The following LRCH1 variants were observed in gnomAD, a reference collection of about 807,000 sequenced individuals.
The protein encoded by LRCH1 is leucine rich repeats and calponin homology domain containing 1, also known as leucine-rich repeat and calponin homology domain-containing protein 1.
In LRCH1, 23 loss-of-function variants were observed where a neutral mutation model predicts 94.9. That is an observed-to-expected ratio of 0.24 (90% CI 0.17 to 0.34). LRCH1 has a LOEUF of 0.34. Ranked by LOEUF, LRCH1 falls within the 10% of genes least tolerant of loss-of-function variation. The pLI is 1.00. For missense variants in LRCH1, 790 were observed against 945.9 expected, an observed-to-expected ratio of 0.84 and a Z score of 2.16; for synonymous variants, 364 against 354.9, an observed-to-expected ratio of 1.03 and a Z score of -0.29.
In LRCH1 at chr13:46,733,466, A is replaced by T. The variant is rs561662364; in HGVS notation, c.2008-455A>T. Among the ~76,000 whole-genome samples, 17 of 152,272 alleles carry T rather than the reference A, an allele frequency of 1.1e-4. No homozygotes were observed. In the South Asian group the frequency reaches 3.5e-3, roughly 32 times the overall value. ...TTTGTTGATGGGGAAGTTGATGTTT[A>T]TGGTGTACTTTAGGCAAACTAAAAC... On this transcript the variant is annotated intron_variant, in intron 18 of 19. Transcript: ENST00000389797.
chr13:46,617,726 C>T (rs2050827927), intron 1 of LRCH1, among the ~76,000 whole-genome samples: 1 of 152,194 alleles, frequency 6.6e-6, no homozygotes, highest in Admixed American at 6.5e-5. Flanking sequence ...CATATTTACT[C>T]AGTCTTCTTA....
At chr13:46,583,753 G>T (rs542744533) in intron 1 of LRCH1, among the ~76,000 whole-genome samples, 1 of 149,794 alleles carries the variant, frequency 6.7e-6, no homozygotes, top group East Asian at 2.0e-4. Context: ...TTTCAGCTAC[G>T]GAATTTTTCT....
At chr13:46,732,225 A>C (rs1015378834) in intron 18 of LRCH1, among the ~76,000 whole-genome samples, 2 of 152,246 alleles carry the variant, frequency 1.3e-5, no homozygotes, top group African/African-American at 4.8e-5. Flanking sequence ...TGTTTTTGCC[A>C]AACTGAGGGA....
intron 15 of LRCH1, 149 bp from the exon 16 acceptor site, chr13:46,715,411 T>A: frequency 1.6e-6 from 1 of 621,328 alleles, no homozygotes; most frequent in South Asian, 1.9e-5. Flanking sequence ...TTCTCCTATA[T>A]TGTGCATTTG....
chr13:46,553,552 C>T lies in LRCH1; in HGVS notation c.156C>T (p.Ser52=). Residue 52 remains serine, a synonymous_variant, in exon 1 of 20, where the codon AGC becomes AGT. Coordinates refer to ENST00000389797, the MANE Select transcript of LRCH1 (RefSeq NM_001164211.2). The stretch of plus-strand genomic sequence containing the variant: ...GGGCGGGTGGTGGCGGCGGTGGCAG[C>T]GGGGGCTTCAACCTGCCCTTGAACC... The part of the protein sequence containing the change: ...PGGAGGGGGG[S]GGFNLPLNRG... 6.5e-6 allele frequency: 10 copies of T among 1,546,326 alleles called. No homozygotes were observed. The highest frequency in any genetic ancestry group is 8.7e-6 in the Non-Finnish European group (10 of 1,144,478).
At chr13:46,728,801 A>C in intron 17 of LRCH1, 46 bp from the exon 18 acceptor site, 1 of 1,528,812 alleles carries the variant, frequency 6.5e-7, no homozygotes, top group Non-Finnish European at 8.9e-7. Context: ...ACTCACAGTT[A>C]CCTCAGTGTT....
intron 17 of LRCH1, among the ~76,000 whole-genome samples, chr13:46,725,990 A>T (rs1891214): frequency 1.3e-5 from 2 of 152,166 alleles, no homozygotes; most frequent in Non-Finnish European, 2.9e-5. Context: ...CCTAAAAACA[A>T]TTGTCCACAC....
intron 1 of LRCH1, among the ~76,000 whole-genome samples, chr13:46,556,855 C>T (rs1014512281): frequency 6.6e-6 from 1 of 152,186 alleles, no homozygotes; most frequent in Non-Finnish European, 1.5e-5. Context: ...CTGAGCCCCT[C>T]TGAGTGCTGG....
rs567820614 is a variant in LRCH1, at chr13:46,625,758, A to T, written c.308-24443A>T. Among the ~76,000 whole-genome samples the T allele has an allele frequency of 2.0e-5, 3 of 147,924 alleles. No homozygotes were observed. The South Asian group carries it at 6.4e-4, about 32-fold the overall frequency. On this transcript the variant is annotated intron_variant, in intron 1 of 19. Transcript: ENST00000389797. ...AACCTCTGCCTCCTGGGCTCAGGTG[A>T]TTCCCCCACCTCAGCCTCCCAGGTA...
At chr13:46,685,873 TC>T in intron 4 of LRCH1, 31 bp from the exon 5 acceptor site, 1 of 1,446,006 alleles carries the variant, frequency 6.9e-7, no homozygotes, top group East Asian at 2.5e-5. Flanking sequence ...TAAGGTTTTT[TC>T]TTTCTTTTTT....
rs575874794 is a variant in LRCH1, at chr13:46,558,572, C to CAAAAAAAAAAAAA, written c.307+4883_307+4895dup. On this transcript the variant is annotated intron_variant, in intron 1 of 19. Transcript: ENST00000389797. ...CCAAGACGGTGAAACCCTGTGTCTA[C>CAAAAAAAAAAAAA]AAAAAAAAAAAAAAAAAAAAAAAAA... 7.9e-3 allele frequency among the ~76,000 whole-genome samples: 272 copies of CAAAAAAAAAAAAA among 34,390 alleles called. 56 individuals are homozygous for CAAAAAAAAAAAAA. The highest frequency in any genetic ancestry group is 0.02 in the African/African-American group (202 of 9,876). The allele number at this position is 34,390 out of a possible 152,430, so 22.6% of individuals were successfully genotyped here. A position where few individuals can be genotyped will look rare whatever the true frequency, so the allele number is the denominator to read the frequency against.
At chr13:46,555,202 C>T (rs1164871506) in intron 1 of LRCH1, among the ~76,000 whole-genome samples, 3 of 152,188 alleles carry the variant, frequency 2.0e-5, no homozygotes, top group Non-Finnish European at 4.4e-5. Flanking sequence ...GTTACATCTT[C>T]TCAAGTGGAA....
chr13:46,741,770 T>C lies in LRCH1; in HGVS notation c.2214T>C (p.Leu738=), dbSNP rs1873670035. 6.2e-7 allele frequency: 1 copy of C among 1,614,068 alleles called. No individual in the cohort carries two copies. Among genetic ancestry groups the C allele is most frequent in the Non-Finnish European group, 8.5e-7 (1 of 1,180,040 alleles). Residue 738 remains leucine (L), a synonymous_variant, in exon 20 of 20, where the codon CTT becomes CTC. Coordinates refer to ENST00000389797, the MANE Select transcript of LRCH1 (RefSeq NM_001164211.2). ...CTTCTGCCCTCCGCTCCAGGGACCT[T>C]ATAGGCTTCTGTCTTGTCCATATTC... ...PPTSALRSRD[L]IGFCLVHILF... is the part of the protein sequence containing the mutation.
chr13:46,657,485 TTTTTCTTTTC>T lies in LRCH1; in HGVS notation c.452+7150_452+7159del, dbSNP rs774661773. Among the ~76,000 whole-genome samples the T allele has an allele frequency of 5.7e-5, 7 of 123,308 alleles. No homozygotes were observed. In the East Asian group the frequency reaches 8.7e-4, roughly 15 times the overall value. 80.9% of individuals were successfully genotyped at this position (123,308 alleles called of 152,430 possible). ...TCTTTCTTTCTTCTTTCATTTTTAC[TTTTTCTTTTC>T]TTTTCTTTTTTTTTTTTTTTTTTTT... On this transcript the variant is annotated intron_variant, in intron 2 of 19. Transcript: ENST00000389797.
At chr13:46,748,767 A>G (rs74080673), downstream of LRCH1, among the ~76,000 whole-genome samples, 8,359 of 152,266 alleles carry the variant, frequency 0.055, 730 homozygotes, top group African/African-American at 0.19. Context: ...ATACACAGCA[A>G]TGACATGAAA....
rs764595432 is a variant in LRCH1 at position 46,583,431 on chromosome 13, G to A, written c.307+29728G>A. On this transcript the variant is annotated intron_variant, in intron 1 of 19. Transcript: ENST00000389797. ...AGGTCTTGATTGGGTATGTCATAGC[G>A]TAATTTTGTTTGCCTTCTGAGGCAC... 5.9e-5 allele frequency among the ~76,000 whole-genome samples: 9 copies of A among 152,304 alleles called. No individual in the cohort carries two copies. In the East Asian group the frequency reaches 9.6e-4, roughly 16 times the overall value.
At chr13:46,696,003 A>G (rs538645541) in intron 9 of LRCH1, among the ~76,000 whole-genome samples, 1 of 152,316 alleles carries the variant, frequency 6.6e-6, no homozygotes, top group Non-Finnish European at 1.5e-5. Flanking sequence ...TTTACTTGCT[A>G]TATTTAATGT....
In LRCH1 at chr13:46,743,036, AG is replaced by A. The variant is rs1228093976; in HGVS notation, c.*1192del. ...TCTTAGCCAGAATGTCCCTGGATTC[AG>A]GGGTGTCTTTGTATAATATGAGAGG... On this transcript the variant is annotated 3_prime_UTR_variant, in exon 20 of 20. Coordinates refer to ENST00000389797, the MANE Select transcript of LRCH1 (RefSeq NM_001164211.2). 5 of 985,426 alleles carry A rather than the reference AG, an allele frequency of 5.1e-6. No individual in the cohort carries two copies. In the East Asian group the frequency reaches 5.7e-4, roughly 112 times the overall value. 61.0% of individuals were successfully genotyped at this position (985,426 alleles called of 1,614,324 possible).
At chr13:46,603,735 C>T (rs557247922) in intron 1 of LRCH1, among the ~76,000 whole-genome samples, 1 of 152,290 alleles carries the variant, frequency 6.6e-6, no homozygotes, top group East Asian at 1.9e-4. Flanking sequence ...TGGCTTACTG[C>T]AGCCTCAATC....
Sources: gnomAD v4.1 joint callset for allele counts (sites outside exome capture counted in the v4.1 genomes callset) on GRCh38, gnomAD v4.1.1 for gene constraint, MANE v1.5 for transcripts, NCBI Gene and HGNC (gene_info 2026-07-23, HGNC 2026-07-21) for gene names.